The following PAK2 variants were observed in gnomAD, a reference collection of about 807,000 sequenced individuals.
The protein encoded by PAK2 is serine/threonine-protein kinase PAK 2.
A neutral mutation model predicts 65.9 loss-of-function variants in PAK2; 21 were observed. That is an observed-to-expected ratio of 0.32 (90% confidence interval 0.23 to 0.46). The LOEUF (loss-of-function observed/expected upper bound fraction) is 0.46, where lower values mean the gene tolerates loss of function less well. Ranked by LOEUF, PAK2 falls within the 20% of genes least tolerant of loss-of-function variation. The pLI is 1.00. For missense variants in PAK2, 324 were observed against 642.6 expected (o/e 0.50, Z 5.36); for synonymous variants, 204 against 219.7 (o/e 0.93, Z 0.63).
rs1711964626 is a variant in PAK2, at chr3:196,828,684, GAGATTTGCATTTT to G, written c.*281_*293del. On this transcript the variant is annotated 3_prime_UTR_variant, in exon 15 of 15. Transcript: ENST00000327134. ...CCTATCAGGGCCATTTATCATGTGT[GAGATTTGCATTTT>G]ACTTTGCTGACTTTGTTGTAATAGA... The G allele has an allele frequency of 5.6e-5, 20 of 359,290 alleles. No individual in the cohort carries two copies. The South Asian group carries it at 7.2e-4, about 13-fold the overall frequency. The allele number at this position is 359,290 out of a possible 1,614,324, so 22.3% of individuals were successfully genotyped here.
intron 2 of PAK2, among the ~76,000 whole-genome samples, chr3:196,793,797 A>G (rs1405565369): frequency 1.3e-5 from 2 of 152,206 alleles, no homozygotes; most frequent in Non-Finnish European, 2.9e-5. Flanking sequence ...TACCAAAACA[A>G]ACAAAAGATA....
chr3:196,766,499 A>G (rs1361103319), intron 1 of PAK2, among the ~76,000 whole-genome samples: 1 of 152,190 alleles, frequency 6.6e-6, no homozygotes, highest in Non-Finnish European at 1.5e-5. Context: ...TGTAAATGCA[A>G]ATAAGGTGCA....
rs117694324 is a variant in PAK2, at chr3:196,754,636, C to G, written c.-22+14479C>G. On this transcript the variant is annotated intron_variant, in intron 1 of 14. Coordinates refer to ENST00000327134, the MANE Select transcript of PAK2 (RefSeq NM_002577.4). ...CAGGTTTTCTGATTCTGATCTTACA[C>G]CCACAACATAACACTCTCCTTGTTA... is the stretch of plus-strand genomic sequence containing the variant. Among the ~76,000 whole-genome samples the G allele has an allele frequency of 2.2e-3, 337 of 152,296 alleles. 4 individuals carry two copies. In the East Asian group the frequency reaches 0.025, roughly 11 times the overall value.
rs928203139 is a variant in PAK2 at position 196,820,122 on chromosome 3, G to A, written c.1154-249G>A. Among the ~76,000 whole-genome samples, 2 of 151,936 alleles carry A rather than the reference G, an allele frequency of 1.3e-5. No individual in the cohort carries two copies. Among genetic ancestry groups the A allele is most frequent in the African/African-American group, 4.8e-5 (2 of 41,356 alleles). ...TCTTTCAGTTTTATTAAATTTTTTA[G>A]GATAGAATGAATTATTCAGAATAAA... On this transcript the variant is annotated intron_variant, in intron 12 of 14. Coordinates refer to ENST00000327134, the MANE Select transcript of PAK2 (RefSeq NM_002577.4). This position sits in a 1 kb window ranked among gnomAD's most constrained non-coding sequence, Gnocchi z 4.6.
chr3:196,775,126 T>G (rs1714494083), intron 1 of PAK2, among the ~76,000 whole-genome samples: 1 of 152,186 alleles, frequency 6.6e-6, no homozygotes, highest in African/African-American at 2.4e-5. Context: ...GTTGTCATCT[T>G]GAATAATTTC....
chr3:196,827,716 A>C (rs1488373373), intron 14 of PAK2, among the ~76,000 whole-genome samples: 3 of 152,134 alleles, frequency 2.0e-5, no homozygotes. Flanking sequence ...ACAAACCTGC[A>C]CGTTGTGCGC....
chr3:196,773,909 G>A (rs1384309925), intron 1 of PAK2, among the ~76,000 whole-genome samples: 1 of 151,122 alleles, frequency 6.6e-6, no homozygotes, highest in Non-Finnish European at 1.5e-5. Flanking sequence ...GGGCGTGGTG[G>A]CGCACTCCTG....
intron 1 of PAK2, among the ~76,000 whole-genome samples, chr3:196,754,666 A>AT (rs1403521521): frequency 1.3e-5 from 2 of 152,126 alleles, no homozygotes; most frequent in African/African-American, 4.8e-5. Flanking sequence ...TTGTTACTTC[A>AT]CTAAACCTCC....
intron 2 of PAK2, among the ~76,000 whole-genome samples, chr3:196,790,222 A>G (rs1344241226): frequency 6.6e-6 from 1 of 152,338 alleles, no homozygotes; most frequent in East Asian, 1.9e-4. Flanking sequence ...ATGTAGCTTG[A>G]AAGCAGTCTA....
intron 1 of PAK2, among the ~76,000 whole-genome samples, chr3:196,763,593 C>T (rs1465243899): frequency 6.6e-6 from 1 of 151,834 alleles, no homozygotes; most frequent in African/African-American, 2.4e-5. Context: ...AGAGACGGAG[C>T]AGAGGTCACA....
Position 196,829,749 on chromosome 3 carries a change from T to C in PAK2, c.*1344T>C, listed in dbSNP as rs77971940. On this transcript the variant is annotated 3_prime_UTR_variant, in exon 15 of 15. Coordinates refer to ENST00000327134, the MANE Select transcript of PAK2 (RefSeq NM_002577.4). ...ATGTTGAGTTACTTTAGTTTAGTTT[T>C]GTTTTGTTTTTTCAAATAAGTAGAG... is the stretch of plus-strand genomic sequence containing the variant. 1 of 152,200 alleles carries C rather than the reference T, an allele frequency of 6.6e-6. No individual in the cohort carries two copies. The highest frequency in any genetic ancestry group is 1.5e-5 in the Non-Finnish European group (1 of 68,042). 9.4% of individuals were successfully genotyped at this position (152,200 alleles called of 1,614,324 possible).
intron 1 of PAK2, among the ~76,000 whole-genome samples, chr3:196,759,233 A>G (rs906844382): frequency 1.3e-5 from 2 of 151,930 alleles, no homozygotes; most frequent in Non-Finnish European, 2.9e-5. Context: ...TGATGCTTCC[A>G]CTCTTCAGAT....
chr3:196,801,913 C>G lies in PAK2; in HGVS notation c.188-14C>G. Reference sequence around the variant, plus strand: ...ATAGGCTGATTCTTTCTCTTTTTTTCTAATGCCCCCTAGGAAGTAAAAAGA... The same window carrying G: ...ATAGGCTGATTCTTTCTCTTTTTTTGTAATGCCCCCTAGGAAGTAAAAAGA... On this transcript the variant is annotated splice_polypyrimidine_tract_variant and intron_variant, in intron 2 of 14. Transcript: ENST00000327134. The G allele has an allele frequency of 7.4e-7, 1 of 1,352,682 alleles. No individual in the cohort carries two copies. Among genetic ancestry groups the G allele is most frequent in the Non-Finnish European group, 1.1e-6 (1 of 948,232 alleles). The allele number at this position is 1,352,682 out of a possible 1,614,324, so 83.8% of individuals were successfully genotyped here. A position where few individuals can be genotyped will look rare whatever the true frequency, so the allele number is the denominator to read the frequency against.
At chr3:196,778,369 G>A (rs768773619) in intron 1 of PAK2, among the ~76,000 whole-genome samples, 4 of 152,186 alleles carry the variant, frequency 2.6e-5, no homozygotes, top group African/African-American at 4.8e-5. Flanking sequence ...AAGTTTTTGC[G>A]TGAACATGTT....
intron 8 of PAK2, among the ~76,000 whole-genome samples, chr3:196,811,422 C>T (rs1715819955): frequency 1.2e-5 from 1 of 85,772 alleles, no homozygotes; most frequent in South Asian, 5.3e-4. Context: ...GAGTCTGTCA[C>T]TCAGGCTGGA....
chr3:196,801,722 A>G (rs1315873850), intron 2 of PAK2, among the ~76,000 whole-genome samples: 1 of 152,058 alleles, frequency 6.6e-6, no homozygotes, highest in East Asian at 1.9e-4. Flanking sequence ...AATCCCAGCT[A>G]CTTGGGAGAC....
chr3:196,743,107 A>C (rs1164546728), intron 1 of PAK2, among the ~76,000 whole-genome samples: 1 of 152,122 alleles, frequency 6.6e-6, no homozygotes, highest in Admixed American at 6.5e-5. Flanking sequence ...GGAAAGGAAA[A>C]AAATCCCTCA....
intron 1 of PAK2, among the ~76,000 whole-genome samples, chr3:196,752,223 A>G (rs944579886): frequency 6.6e-6 from 1 of 152,120 alleles, no homozygotes; most frequent in Non-Finnish European, 1.5e-5. Flanking sequence ...ACTCCATTCT[A>G]TGTATTATAC....
intron 1 of PAK2, among the ~76,000 whole-genome samples, chr3:196,743,521 C>A (rs1227975301): frequency 6.6e-6 from 1 of 152,122 alleles, no homozygotes; most frequent in African/African-American, 2.4e-5. Context: ...TTCTTACATG[C>A]TGTAGAGTCG....
Sources: gnomAD v4.1 joint callset for allele counts (sites outside exome capture counted in the v4.1 genomes callset) on GRCh38, gnomAD v4.1.1 for gene constraint, Gnocchi (gnomAD v3.1) non-coding constraint, MANE v1.5 for transcripts, NCBI Gene and HGNC (gene_info 2026-07-23, HGNC 2026-07-21) for gene names.